Variants in SORBS2 observed in about 807,000 individuals in gnomAD.
The protein encoded by SORBS2 is sorbin and SH3 domain-containing protein 2.
SORBS2 carries 46 observed loss-of-function variants against 97.7 expected under a neutral mutation model. The observed-to-expected ratio is 0.47, with a 90% confidence interval of 0.37 to 0.60. SORBS2 has a LOEUF of 0.60. SORBS2 is among the 20% of genes least tolerant of loss of function. The pLI is 0.00. For synonymous variants in SORBS2, 476 were observed against 473.4 expected, an observed-to-expected ratio of 1.01 and a Z score of -0.07; for missense variants, 1,316 against 1,282.3, an observed-to-expected ratio of 1.03 and a Z score of -0.40.
chr4:185,608,060 T>G (rs966367849), intron 12 of SORBS2, among the ~76,000 whole-genome samples: 2 of 152,184 alleles, frequency 1.3e-5, no homozygotes, highest in African/African-American at 4.8e-5. Context: ...AGATACTGAC[T>G]TAGTAGAGTA....
In SORBS2 at chr4:185,852,148, C is replaced by T. The variant is rs2099218230; in HGVS notation, c.-337-76782G>A. Among the ~76,000 whole-genome samples, 4 of 152,314 alleles carry T rather than the reference C, an allele frequency of 2.6e-5. No homozygotes were observed. The South Asian group carries it at 8.3e-4, about 32-fold the overall frequency. On this transcript the variant is annotated intron_variant, in intron 1 of 20. Coordinates refer to the SORBS2 transcript ENST00000284776. Reference sequence around the variant, plus strand: ...AAAATCCATGGAGTCAACACAGCTACAGGCAGCCGATCCCTGTAAACATCC... The same window carrying T: ...AAAATCCATGGAGTCAACACAGCTATAGGCAGCCGATCCCTGTAAACATCC...
At chr4:185,792,634 G>A (rs1275539624) in intron 1 of SORBS2, among the ~76,000 whole-genome samples, 1 of 152,142 alleles carries the variant, frequency 6.6e-6, no homozygotes, top group Non-Finnish European at 1.5e-5. Flanking sequence ...AAAAAAAATT[G>A]TTGACATCCT....
chr4:185,870,932 A>C (rs111495873), intron 1 of SORBS2, among the ~76,000 whole-genome samples: 6 of 152,334 alleles, frequency 3.9e-5, no homozygotes, highest in African/African-American at 1.4e-4. Context: ...GTTAGATGGC[A>C]TTGGTCACTC....
chr4:185,735,833 T>G (rs182293529), intron 2 of SORBS2, among the ~76,000 whole-genome samples: 312 of 152,262 alleles, frequency 2.0e-3, no homozygotes, highest in Non-Finnish European at 3.5e-3. Context: ...CCGTTGCAAT[T>G]AACACATATC....
chr4:185,781,611 CGG>C (rs2099030318), intron 1 of SORBS2, among the ~76,000 whole-genome samples: 1 of 127,542 alleles, frequency 7.8e-6, no homozygotes, highest in African/African-American at 2.9e-5. Context: ...CCCTTGCCTC[CGG>C]CCCCTCCAGC....
intron 9 of SORBS2, among the ~76,000 whole-genome samples, chr4:185,617,153 A>C (rs1376496947): frequency 6.6e-6 from 1 of 152,204 alleles, no homozygotes; most frequent in African/African-American, 2.4e-5. Context: ...TATTTAAGAA[A>C]GCTATGGATT....
chr4:185,728,973 A>T (rs573179652), intron 2 of SORBS2, among the ~76,000 whole-genome samples: 33 of 152,360 alleles, frequency 2.2e-4, no homozygotes, highest in Non-Finnish European at 3.8e-4. Context: ...CAGCCCTTCC[A>T]TCTCTTCTTC....
intron 4 of SORBS2, chr4:185,666,144 TTGTCTGTG>T: frequency 7.8e-7 from 1 of 1,289,802 alleles, no homozygotes; most frequent in Non-Finnish European, 1.0e-6. Context: ...CTGGTGTGGT[TTGTCTGTG>T]TGTCTGTGAA....
At chr4:185,616,410 A>G (rs1265870057) in intron 9 of SORBS2, among the ~76,000 whole-genome samples, 2 of 152,254 alleles carry the variant, frequency 1.3e-5, no homozygotes, top group African/African-American at 4.8e-5. Flanking sequence ...ACATTCAAAT[A>G]CAGTGCTTCC....
At chr4:185,898,271 C>T (rs1436754440) in intron 1 of SORBS2, among the ~76,000 whole-genome samples, 3 of 152,164 alleles carry the variant, frequency 2.0e-5, no homozygotes, top group Non-Finnish European at 2.9e-5. Flanking sequence ...AATTTTAAGA[C>T]ATATTCTAAA....
chr4:185,740,996 GACCAGCACCAACTCAA>G (rs945868995), intron 2 of SORBS2, among the ~76,000 whole-genome samples: 36 of 151,890 alleles, frequency 2.4e-4, no homozygotes, highest in South Asian at 6.2e-4. Flanking sequence ...CACTAACTCG[GACCAGCACCAACTCAA>G]ACCAGCACCA....
chr4:185,939,903 A>G (rs2099271013), intron 1 of SORBS2, among the ~76,000 whole-genome samples: 1 of 152,156 alleles, frequency 6.6e-6, no homozygotes, highest in Admixed American at 6.5e-5. Flanking sequence ...TTCTCATCAT[A>G]GTCACCAACA....
At chr4:185,720,843 C>G (rs759161775) in intron 2 of SORBS2, among the ~76,000 whole-genome samples, 2 of 152,120 alleles carry the variant, frequency 1.3e-5, no homozygotes, top group African/African-American at 2.4e-5. Flanking sequence ...GGATGAGCAA[C>G]CTTGAACCAG....
chr4:185,767,735 G>A (rs767077909), intron 2 of SORBS2, among the ~76,000 whole-genome samples: 1 of 152,064 alleles, frequency 6.6e-6, no homozygotes, highest in Admixed American at 6.6e-5. Context: ...AAGTGCTCTC[G>A]TCTTTGTCCT....
chr4:185,809,455 C>CAAAAAAAAAAAAAAAAAAAAAAAAAA (rs55713465), intron 1 of SORBS2, among the ~76,000 whole-genome samples: 2 of 47,296 alleles, frequency 4.2e-5, no homozygotes, highest in African/African-American at 8.7e-5. Context: ...ACTGCATTTG[C>CAAAAAAAAAAAAAAAAAAAAAAAAAA]AAAAAAAAAA....
At chr4:185,864,482 A>G (rs2099225683) in intron 1 of SORBS2, among the ~76,000 whole-genome samples, 1 of 152,248 alleles carries the variant, frequency 6.6e-6, no homozygotes, top group Admixed American at 6.5e-5. Flanking sequence ...TTACTATTAC[A>G]TTTGAAGATT....
intron 1 of SORBS2, among the ~76,000 whole-genome samples, chr4:185,855,004 C>T (rs2099220009): frequency 6.6e-6 from 1 of 152,098 alleles, no homozygotes; most frequent in African/African-American, 2.4e-5. Flanking sequence ...AGACAATAAT[C>T]TCGTTATATA....
chr4:185,782,208 T>G (rs926470440), intron 1 of SORBS2, among the ~76,000 whole-genome samples: 1 of 152,246 alleles, frequency 6.6e-6, no homozygotes, highest in Non-Finnish European at 1.5e-5. Context: ...CAAAACATTA[T>G]GTATTCTAAT....
chr4:185,911,521 A>G (rs1276883894), intron 1 of SORBS2, among the ~76,000 whole-genome samples: 1 of 151,974 alleles, frequency 6.6e-6, no homozygotes, highest in African/African-American at 2.4e-5. Context: ...CACCACGCCC[A>G]GCCTGATTTT....
Sources: gnomAD v4.1 joint callset for allele counts (sites outside exome capture counted in the v4.1 genomes callset) on GRCh38, gnomAD v4.1.1 for gene constraint, MANE v1.5 for transcripts, NCBI Gene and HGNC (gene_info 2026-07-23, HGNC 2026-07-21) for gene names.